Variants in NWD1 observed in about 807,000 individuals in gnomAD.
NWD1 encodes the protein NACHT and WD repeat domain containing 1, also known as NACHT domain- and WD repeat-containing protein 1.
A neutral mutation model predicts 135.1 loss-of-function variants in NWD1; 129 were observed. The ratio of observed to expected loss-of-function variants is 0.96; its 90% CI spans 0.83 to 1.11. The LOEUF (loss-of-function observed/expected upper bound fraction) is 1.11. Among genes scored for constraint, NWD1 ranks in the 50% least tolerant of loss-of-function variants. The probability of loss-of-function intolerance (pLI) is 0.00; values close to 1 mark genes in which losing one functional copy is unlikely to be tolerated. For missense variants in NWD1, 1,740 were observed against 1,851.3 expected (o/e 0.94, Z 1.10); for synonymous variants, 773 against 786.0 (o/e 0.98, Z 0.28).
intron 4 of NWD1, among the ~76,000 whole-genome samples, chr19:16,739,346 AAAAAAAAAAT>A (rs1373506661): frequency 1.0e-4 from 15 of 150,198 alleles, no homozygotes; most frequent in African/African-American, 3.7e-4. Flanking sequence ...AAAAAAAAAA[AAAAAAAAAAT>A]TATTTTTTTA....
At chr19:16,762,297 C>CATTTT (rs1969050694) in intron 8 of NWD1, among the ~76,000 whole-genome samples, 159 bp downstream of exon 8, 1 of 118,120 alleles carries the variant, frequency 8.5e-6, no homozygotes, top group Non-Finnish European at 1.7e-5. Flanking sequence ...CCCCCCACTC[C>CATTTT]TTTTTTTTTT....
intron 7 of NWD1, among the ~76,000 whole-genome samples, chr19:16,761,126 T>C (rs2122880041): frequency 6.6e-6 from 1 of 152,330 alleles, no homozygotes; most frequent in African/African-American, 2.4e-5. Context: ...TGTGGCCTTT[T>C]GTGTCTGGCT....
chr19:16,736,555 C>A, intron 3 of NWD1, 79 bp from the exon 4 acceptor site: 1 of 939,282 alleles, frequency 1.1e-6, no homozygotes, highest in Non-Finnish European at 1.7e-6. Context: ...AAGAAACTTT[C>A]TGCTTTGTCA....
At chr19:16,732,411 T>G (rs776733167) in intron 3 of NWD1, among the ~76,000 whole-genome samples, 2 of 151,728 alleles carry the variant, frequency 1.3e-5, no homozygotes, top group Non-Finnish European at 2.9e-5. Flanking sequence ...TTGTCTTGCC[T>G]TCAGAGCTTC....
At chr19:16,781,815 AG>A (rs1400102737) in intron 12 of NWD1, among the ~76,000 whole-genome samples, 1 of 152,036 alleles carries the variant, frequency 6.6e-6, no homozygotes, top group Non-Finnish European at 1.5e-5. Context: ...AATCTAGGCC[AG>A]GTGCAGTGGC....
At chr19:16,722,013 C>T (rs142507004) in intron 1 of NWD1, among the ~76,000 whole-genome samples, 32 of 151,774 alleles carry the variant, frequency 2.1e-4, no homozygotes, top group African/African-American at 7.7e-4. Context: ...CTTGAGACGC[C>T]GAGGCAGGAG....
intron 11 of NWD1, among the ~76,000 whole-genome samples, chr19:16,778,093 C>G (rs1027183239): frequency 6.6e-6 from 1 of 151,952 alleles, no homozygotes; most frequent in African/African-American, 2.4e-5. Context: ...CTCTCTGTCC[C>G]GATGAGGTGG....
intron 16 of NWD1, 140 bp from the exon 17 acceptor site, chr19:16,799,746 G>A (rs1970537142): frequency 3.0e-6 from 2 of 666,980 alleles, no homozygotes; most frequent in African/African-American, 3.6e-5. Context: ...GACCTCAGGT[G>A]ATCCACCTGC....
intron 18 of NWD1, among the ~76,000 whole-genome samples, chr19:16,810,208 C>G (rs1051624881): frequency 6.6e-6 from 1 of 151,862 alleles, no homozygotes; most frequent in South Asian, 2.1e-4. Context: ...GAGGCTGAGG[C>G]GGGTGGATCA....
intron 12 of NWD1, among the ~76,000 whole-genome samples, chr19:16,787,909 TCATCA>T (rs1970101188): frequency 1.0e-5 from 1 of 97,032 alleles, no homozygotes; most frequent in Non-Finnish European, 2.0e-5. Context: ...ATAATAATCA[TCATCA>T]TCATCATCAT....
At chr19:16,762,926 G>A (rs1019410581) in intron 8 of NWD1, among the ~76,000 whole-genome samples, 2 of 151,912 alleles carry the variant, frequency 1.3e-5, no homozygotes, top group Admixed American at 6.6e-5. Flanking sequence ...TGGGACTACA[G>A]GTGTGTGCCA....
intron 8 of NWD1, 131 bp from the exon 9 acceptor site, chr19:16,763,697 G>A: frequency 1.5e-6 from 1 of 667,226 alleles, no homozygotes; most frequent in Non-Finnish European, 2.7e-6. Flanking sequence ...GCACATGGGG[G>A]TATGTCTGTC....
chr19:16,775,681 C>T (rs1244432159), intron 11 of NWD1, among the ~76,000 whole-genome samples: 5 of 152,084 alleles, frequency 3.3e-5, no homozygotes, highest in Admixed American at 3.3e-4. Context: ...TTTATTTTTA[C>T]TTTTTATATG....
intron 2 of NWD1, among the ~76,000 whole-genome samples, chr19:16,730,514 G>C (rs1967514149): frequency 6.6e-6 from 1 of 151,874 alleles, no homozygotes; most frequent in Non-Finnish European, 1.5e-5. Flanking sequence ...AGGAGTCTGA[G>C]GCCAGCCTAG....
intron 12 of NWD1, among the ~76,000 whole-genome samples, chr19:16,787,935 A>G (rs1970102957): frequency 7.2e-6 from 1 of 138,156 alleles, no homozygotes; most frequent in Non-Finnish European, 1.5e-5. Flanking sequence ...CATCATCATC[A>G]TCATCATCAT....
At chr19:16,738,119 C>A in intron 4 of NWD1, 1 of 366,944 alleles carries the variant, frequency 2.7e-6, no homozygotes, top group Non-Finnish European at 5.5e-6. Context: ...CACTTGTTTA[C>A]ACATTGTTTA....
chr19:16,759,770 G>A lies in NWD1; in HGVS notation c.1973+342G>A, dbSNP rs1300150253. Among the ~76,000 whole-genome samples, 3 of 152,236 alleles carry A rather than the reference G, an allele frequency of 2.0e-5. No individual in the cohort carries two copies. The East Asian group carries it at 5.8e-4, about 29-fold the overall frequency. On this transcript the variant is annotated intron_variant, in intron 7 of 18. Transcript: ENST00000524140. ...AGCACTTTGGGAGGCTGAGGTGGCG[G>A]ATCACCTGAGGTCAGGAGTTTGAGA... is the stretch of plus-strand genomic sequence containing the variant.
At chr19:16,809,559 CT>C (rs55774128) in intron 18 of NWD1, among the ~76,000 whole-genome samples, 161 of 123,316 alleles carry the variant, frequency 1.3e-3, no homozygotes, top group East Asian at 9.0e-3. Context: ...TTTTCTTTTT[CT>C]TTTTTTTTTT....
rs772405740 is a variant in NWD1 at position 16,749,991 on chromosome 19, G to A, written c.1349G>A (p.Arg450Lys). ...CTGGACTCTGTCCGCCATGCTCGGA[G>A]GGTTCCCTGGCTGCCTCTCAACTGC... Reference protein sequence around the residue: ...DDLDSVRHARRVPWLPLNCPP... With the variant: ...DDLDSVRHARKVPWLPLNCPP... The change falls in exon 6 of 19, where the codon AGG becomes AAG. Residue 450 changes from arginine to lysine, a missense_variant. By Grantham distance (26) the Arg-to-Lys change is conservative. Coordinates refer to ENST00000524140, the MANE Select transcript of NWD1 (RefSeq NM_001007525.5). The A allele has an allele frequency of 4.3e-6, 7 of 1,613,884 alleles. No individual in the cohort carries two copies. The South Asian group carries it at 7.7e-5, about 18-fold the overall frequency.
Sources: allele counts gnomAD v4.1 joint callset (sites outside exome capture counted in the v4.1 genomes callset), GRCh38; gene constraint gnomAD v4.1.1; transcripts MANE v1.5; gene names NCBI Gene and HGNC (gene_info 2026-07-23, HGNC 2026-07-21).